The following PTPRN2 variants were observed in gnomAD, a reference collection of about 807,000 sequenced individuals.
PTPRN2 encodes the protein receptor-type tyrosine-protein phosphatase N2.
A neutral mutation model predicts 118.8 loss-of-function variants in PTPRN2; 74 were observed. That is an observed-to-expected ratio of 0.62 (90% CI 0.52 to 0.76). PTPRN2 has a LOEUF of 0.76. Among genes scored for constraint, PTPRN2 ranks in the 30% least tolerant of loss-of-function variants. The probability of loss-of-function intolerance (pLI) is 0.00; values close to 1 mark genes in which losing one functional copy is unlikely to be tolerated. For missense variants in PTPRN2, 1,481 were observed against 1,394.4 expected, an observed-to-expected ratio of 1.06 and a Z score of -0.99; for synonymous variants, 641 against 608.0, an observed-to-expected ratio of 1.05 and a Z score of -0.80.
At chr7:157,970,653 T>C (rs1443687285) in intron 11 of PTPRN2, among the ~76,000 whole-genome samples, 1 of 123,076 alleles carries the variant, frequency 8.1e-6, no homozygotes, top group East Asian at 3.1e-4. Flanking sequence ...CCCCCACAGG[T>C]TGCCCACCCC....
At chr7:157,922,731 G>A (rs1798754205) in intron 11 of PTPRN2, among the ~76,000 whole-genome samples, 1 of 152,158 alleles carries the variant, frequency 6.6e-6, no homozygotes, top group Non-Finnish European at 1.5e-5. Context: ...TCATTAGCAA[G>A]CTCGATGTCA....
At chr7:158,149,448 A>G (rs1051971696) in intron 6 of PTPRN2, among the ~76,000 whole-genome samples, 5 of 152,158 alleles carry the variant, frequency 3.3e-5, no homozygotes, top group African/African-American at 9.7e-5. Context: ...AGGTAAAAAA[A>G]AAAAAAAATC....
chr7:158,532,571 T>C (rs990769950), intron 1 of PTPRN2: 1 of 390,086 alleles, frequency 2.6e-6, no homozygotes, highest in East Asian at 6.6e-5. Context: ...GTATGTGACT[T>C]TGATCCTACA....
rs1278686567 is a variant in PTPRN2, at chr7:157,974,261, C to T, written c.1724-75524G>A. Among the ~76,000 whole-genome samples the T allele has an allele frequency of 1.3e-5, 2 of 152,182 alleles. No homozygotes were observed. Among genetic ancestry groups the T allele is most frequent in the Admixed American group, 1.3e-4 (2 of 15,280 alleles). On this transcript the variant is annotated intron_variant, in intron 11 of 22. Transcript: ENST00000389418. This position sits in a 1 kb window ranked among gnomAD's most constrained non-coding sequence, Gnocchi z 4.0. ...TGTTTGCCTCCCACTAGCATTTTCTCATCTCCAGCACGGTGTCAATGGTGC... is the reference window on the plus strand; with the variant it reads ...TGTTTGCCTCCCACTAGCATTTTCTTATCTCCAGCACGGTGTCAATGGTGC...
chr7:158,520,042 C>T (rs117749601), intron 1 of PTPRN2, among the ~76,000 whole-genome samples: 2,246 of 152,332 alleles, frequency 0.015, 26 homozygotes, highest in Non-Finnish European at 0.025. Context: ...CAGTGCAACA[C>T]AGAATGATTT....
In PTPRN2 at chr7:158,546,465, G is replaced by A. The variant is rs1288423128; in HGVS notation, c.112+41093C>T. 3.3e-5 allele frequency among the ~76,000 whole-genome samples: 5 copies of A among 152,212 alleles called. No individual in the cohort carries two copies. Among genetic ancestry groups the A allele is most frequent in the Non-Finnish European group, 7.3e-5 (5 of 68,038 alleles). On this transcript the variant is annotated intron_variant, in intron 1 of 22. Coordinates refer to ENST00000389418, the MANE Select transcript of PTPRN2 (RefSeq NM_002847.5). The surrounding 1 kb of genome is among the most constrained non-coding windows in gnomAD (Gnocchi z 5.0). ...GCCGCCGGGTTAAGGGGCTCATGGCGGAGGCAAGCCCCAGTGTCCCAGGCG... is the reference window on the plus strand; with the variant it reads ...GCCGCCGGGTTAAGGGGCTCATGGCAGAGGCAAGCCCCAGTGTCCCAGGCG...
At chr7:158,506,608 C>T (rs1449602211) in intron 1 of PTPRN2, among the ~76,000 whole-genome samples, 2 of 151,812 alleles carry the variant, frequency 1.3e-5, no homozygotes, top group African/African-American at 2.4e-5. Flanking sequence ...TCTACAGGAG[C>T]CCCATGAACA....
chr7:157,713,649 C>T (rs183389634), intron 12 of PTPRN2, among the ~76,000 whole-genome samples: 100 of 152,322 alleles, frequency 6.6e-4, no homozygotes, highest in Non-Finnish European at 1.3e-3. Context: ...CACTGGTCTG[C>T]GGTTCCCACA....
Position 158,352,276 on chromosome 7 carries a change from A to ACTGCTCCCCTCCTGTCCG in PTPRN2, c.164-35345_164-35344insCGGACAGGAGGGGAGCAG, listed in dbSNP as rs1808050131. Among the ~76,000 whole-genome samples, 4 of 6,026 alleles carry ACTGCTCCCCTCCTGTCCG rather than the reference A, an allele frequency of 6.6e-4. 2 individuals are homozygous for ACTGCTCCCCTCCTGTCCG. The highest frequency in any genetic ancestry group is 2.4e-3 in the African/African-American group (4 of 1,674). The allele number at this position is 6,026 out of a possible 152,430, so 4.0% of individuals were successfully genotyped here. On this transcript the variant is annotated intron_variant, in intron 2 of 22. Coordinates refer to ENST00000389418, the MANE Select transcript of PTPRN2 (RefSeq NM_002847.5). ...CCTCCTGACTGCTCCCCTCCTGTCC[A>ACTGCTCCCCTCCTGTCCG]CTCCCCTCCTGTCTGCTCCCCTCTT... is the stretch of plus-strand genomic sequence containing the variant.
At chr7:157,708,053 C>T (rs1049854704) in intron 12 of PTPRN2, among the ~76,000 whole-genome samples, 3 of 152,264 alleles carry the variant, frequency 2.0e-5, no homozygotes, top group African/African-American at 7.2e-5. Context: ...GTGCATCTGC[C>T]TTGGGCCGCT....
At chr7:157,633,800 C>T (rs912018587) in intron 14 of PTPRN2, among the ~76,000 whole-genome samples, 3 of 152,168 alleles carry the variant, frequency 2.0e-5, no homozygotes, top group Admixed American at 6.5e-5. Context: ...CAACGGTGTC[C>T]GGCAGACCAG....
chr7:158,336,840 T>A (rs1586347975), intron 2 of PTPRN2, among the ~76,000 whole-genome samples: 1 of 88,920 alleles, frequency 1.1e-5, no homozygotes, highest in Non-Finnish European at 2.5e-5. Flanking sequence ...CAGACGTCAC[T>A]CACCCACACT....
chr7:158,311,978 T>A (rs1801796952), intron 3 of PTPRN2, among the ~76,000 whole-genome samples: 1 of 150,454 alleles, frequency 6.6e-6, no homozygotes, highest in Admixed American at 6.6e-5. Flanking sequence ...CGTGCTCACA[T>A]GTAGACACCC....
Position 158,262,768 on chromosome 7 carries a change from ACATT to A in PTPRN2, c.277+54047_277+54050del, listed in dbSNP as rs1427878859. On this transcript the variant is annotated intron_variant, in intron 3 of 22. Coordinates refer to ENST00000389418, the MANE Select transcript of PTPRN2 (RefSeq NM_002847.5). ...GCACATATACACACACTGCACACAC[ACATT>A]CACACACACTACACACATACACATT... 2.0e-5 allele frequency among the ~76,000 whole-genome samples: 3 copies of A among 147,016 alleles called. No homozygotes were observed. The East Asian group carries it at 6.0e-4, about 29-fold the overall frequency.
intron 3 of PTPRN2, among the ~76,000 whole-genome samples, chr7:158,297,178 G>A (rs998749600): frequency 2.0e-5 from 3 of 152,204 alleles, no homozygotes; most frequent in Non-Finnish European, 1.5e-5. Context: ...CTGGGCATAA[G>A]CTTTTAAAAA....
At chr7:158,047,848 G>A (rs1006681383) in intron 11 of PTPRN2, among the ~76,000 whole-genome samples, 4 of 152,304 alleles carry the variant, frequency 2.6e-5, no homozygotes, top group South Asian at 2.1e-4. Flanking sequence ...TGGGCAAGCC[G>A]GGAGCTCTCA....
intron 12 of PTPRN2, among the ~76,000 whole-genome samples, chr7:157,683,447 C>A (rs761650177): frequency 7.9e-5 from 12 of 152,190 alleles, no homozygotes; most frequent in Admixed American, 2.0e-4. Context: ...TGCATCTTCA[C>A]AGAACATTCT....
intron 2 of PTPRN2, among the ~76,000 whole-genome samples, chr7:158,384,609 AC>A (rs1811191896): frequency 6.6e-6 from 1 of 152,032 alleles, no homozygotes; most frequent in Non-Finnish European, 1.5e-5. Context: ...ATGTAGAGAA[AC>A]CCTGTATTAC....
chr7:158,560,671 C>G (rs1438982436), intron 1 of PTPRN2, among the ~76,000 whole-genome samples: 1 of 152,254 alleles, frequency 6.6e-6, no homozygotes, highest in Non-Finnish European at 1.5e-5. Context: ...CAGAAACCCA[C>G]CATGAGCAGG....
Sources: gnomAD v4.1 joint callset for allele counts (sites outside exome capture counted in the v4.1 genomes callset) on GRCh38, gnomAD v4.1.1 for gene constraint, Gnocchi (gnomAD v3.1) non-coding constraint, MANE v1.5 for transcripts, NCBI Gene and HGNC (gene_info 2026-07-23, HGNC 2026-07-21) for gene names.